The following STAG2 variants were observed in gnomAD, a reference collection of about 807,000 sequenced individuals.
STAG2 encodes STAG2 cohesin complex component.
Under a neutral mutation model 108.1 loss-of-function variants are expected in STAG2, and 14 were observed. That is an observed-to-expected ratio of 0.13 (90% CI 0.09 to 0.20). STAG2 has a LOEUF of 0.20. Among genes scored for constraint, STAG2 ranks in the 10% least tolerant of loss-of-function variants. The pLI is 1.00. For missense variants in STAG2, 440 were observed against 940.9 expected (o/e 0.47, Z 6.96); for synonymous variants, 307 against 302.7 (o/e 1.01, Z -0.15).
intron 15 of STAG2, among the ~76,000 whole-genome samples, chrX:124,060,943 T>C (rs1465806761): frequency 2.8e-5 from 3 of 107,574 alleles, no homozygotes; most frequent in Non-Finnish European, 5.7e-5. Flanking sequence ...CAAATATATA[T>C]AATTTATTAT....
At chrX:124,007,354 C>T in intron 1 of STAG2, among the ~76,000 whole-genome samples, 1 of 111,506 alleles carries the variant, frequency 9.0e-6, no homozygotes, top group Non-Finnish European at 1.9e-5. Context: ...ATTCTTCCCA[C>T]TAAGGATAAG....
intron 10 of STAG2, among the ~76,000 whole-genome samples, chrX:124,049,374 A>ACTACT (rs1341906657): frequency 8.9e-6 from 1 of 111,986 alleles, no homozygotes; most frequent in Non-Finnish European, 1.9e-5. Flanking sequence ...CTATGTTAGT[A>ACTACT]GAGCCTGCAC....
intron 10 of STAG2, among the ~76,000 whole-genome samples, chrX:124,049,420 A>G (rs772335974): frequency 4.5e-5 from 5 of 112,169 alleles, no homozygotes; most frequent in African/African-American, 1.6e-4. Context: ...TCCATTGAAT[A>G]TCAGTGGGAA....
At chrX:123,996,313 A>T (rs1478587928) in intron 1 of STAG2, among the ~76,000 whole-genome samples, 1 of 112,410 alleles carries the variant, frequency 8.9e-6, no homozygotes, top group Non-Finnish European at 1.9e-5. Flanking sequence ...GTTCCAATGT[A>T]GATGTTGATG....
In STAG2 at chrX:124,083,549, T is replaced by C. The variant is rs763826309; in HGVS notation, c.3053T>C (p.Val1018Ala). 1 of 1,158,585 alleles carries C rather than the reference T, an allele frequency of 8.6e-7. No individual in the cohort carries two copies. Among genetic ancestry groups the C allele is most frequent in the South Asian group, 2.0e-5 (1 of 50,089 alleles). The change falls in exon 29 of 35, where the codon GTG (valine) becomes GCG (alanine). Residue 1018 changes from valine (V) to alanine (A), a missense_variant and splice_region_variant. Physicochemically the swap from Val to Ala is moderately conservative, Grantham distance 64. This residue lies in a region of STAG2 where 337 missense variants were observed against 649.3 expected (regional missense o/e 0.52). Transcript: ENST00000371145. ...SKLLRQDKRT[V>A]YVYLEKFMTF... The stretch of plus-strand genomic sequence containing the variant: ...CTACTTCGACAAGACAAAAGAACAG[T>C]GTATGTATTTGCTGGAAATGTCCTA...
rs111649101 is a variant in STAG2, at chrX:124,100,684, T to C, written c.*87T>C. ...GTGTGGTAGATACAGTGAAATTCTG[T>C]ACAGATTTTTCTCTAAGGAGAATAT... On this transcript the variant is annotated 3_prime_UTR_variant, in exon 35 of 35. Transcript: ENST00000371145. The C allele has an allele frequency of 3.7e-6, 3 of 808,483 alleles. No individual in the cohort carries two copies. The highest frequency in any genetic ancestry group is 3.6e-6 in the Non-Finnish European group (2 of 548,530). 66.6% of individuals were successfully genotyped at this position (808,483 alleles called of 1,213,427 possible).
chrX:123,969,241 A>AT (rs1387478673), intron 1 of STAG2, among the ~76,000 whole-genome samples: 4 of 110,702 alleles, frequency 3.6e-5, no homozygotes, highest in Non-Finnish European at 5.7e-5. Context: ...GTATTCTTGA[A>AT]TTTTTTGGGG....
At chrX:124,033,814 A>G (rs2057421579) in intron 5 of STAG2, among the ~76,000 whole-genome samples, 1 of 112,244 alleles carries the variant, frequency 8.9e-6, no homozygotes, top group African/African-American at 3.2e-5. Context: ...CTTATAAAAA[A>G]CAGAAATTTA....
chrX:124,005,575 A>G (rs375425385), intron 1 of STAG2, among the ~76,000 whole-genome samples: 10 of 112,007 alleles, frequency 8.9e-5, no homozygotes, highest in Non-Finnish European at 1.3e-4. Context: ...GTATATAACT[A>G]TTGAGTTTTT....
intron 1 of STAG2, among the ~76,000 whole-genome samples, chrX:124,009,425 AGGTAGGTAGG>A (rs1569501801): frequency 1.0e-4 from 9 of 86,705 alleles, no homozygotes; most frequent in African/African-American, 2.6e-4. Flanking sequence ...GTAGGTAGGT[AGGTAGGTAGG>A]TAGGTAGGTA....
At chrX:124,007,529 AATGAGT>A (rs772342316) in intron 1 of STAG2, among the ~76,000 whole-genome samples, 5 of 111,707 alleles carry the variant, frequency 4.5e-5, no homozygotes, top group Admixed American at 9.5e-5. Flanking sequence ...GTTTCATTTG[AATGAGT>A]ATGACATTTT....
At chrX:124,074,904 A>G (rs1020352647) in intron 25 of STAG2, among the ~76,000 whole-genome samples, 1 of 112,243 alleles carries the variant, frequency 8.9e-6, no homozygotes, top group African/African-American at 3.2e-5. Context: ...TCATGTAGAA[A>G]TTGTCCATTA....
chrX:123,987,539 T>C (rs945850909), intron 1 of STAG2, among the ~76,000 whole-genome samples: 11 of 112,257 alleles, frequency 9.8e-5, no homozygotes, highest in Admixed American at 5.7e-4. Flanking sequence ...TGAGCCACCA[T>C]GCCCGGCCTT....
At chrX:124,027,115 A>T (rs764573239) in intron 4 of STAG2, among the ~76,000 whole-genome samples, 117 of 111,337 alleles carry the variant, frequency 1.1e-3, no homozygotes, top group Middle Eastern at 4.6e-3. Context: ...ATGAGATTTC[A>T]CTATGTTCCC....
At chrX:124,075,891 A>G (rs1177118702) in intron 25 of STAG2, among the ~76,000 whole-genome samples, 1 of 111,489 alleles carries the variant, frequency 9.0e-6, no homozygotes, top group African/African-American at 3.3e-5. Context: ...AGCTGAATAT[A>G]TGTACAAAGG....
intron 1 of STAG2, among the ~76,000 whole-genome samples, chrX:123,995,860 A>G (rs188255343): frequency 1.8e-5 from 2 of 112,315 alleles, no homozygotes; most frequent in Non-Finnish European, 3.8e-5. Flanking sequence ...AAGAGTTCAG[A>G]TAGTGATTAA....
intron 7 of STAG2, among the ~76,000 whole-genome samples, chrX:124,042,879 G>T (rs1029482632): frequency 9.3e-6 from 1 of 107,510 alleles, no homozygotes; most frequent in Non-Finnish European, 1.9e-5. Context: ...GCCGGGAGTC[G>T]TGGTGTGTGC....
chrX:124,020,323 T>C (rs1364507078), intron 1 of STAG2, among the ~76,000 whole-genome samples: 1 of 112,248 alleles, frequency 8.9e-6, no homozygotes, highest in African/African-American at 3.2e-5. Flanking sequence ...TTTGATGAAA[T>C]GCTCAGAGAC....
At chrX:124,025,947 G>T in intron 4 of STAG2, 29 bp downstream of exon 4, 1 of 1,019,567 alleles carries the variant, frequency 9.8e-7, no homozygotes, top group Non-Finnish European at 1.4e-6. Context: ...ACTTTATTTT[G>T]TTTCCTAAGA....
Sources: allele counts gnomAD v4.1 joint callset (sites outside exome capture counted in the v4.1 genomes callset), GRCh38; gene constraint gnomAD v4.1.1; regional missense constraint gnomAD v4.1.1; transcripts MANE v1.5; gene names NCBI Gene and HGNC (gene_info 2026-07-23, HGNC 2026-07-21).